ARHGAP21: variants seen among roughly 807,000 people sequenced by gnomAD.
ARHGAP21 encodes Rho GTPase activating protein 21.
A neutral mutation model predicts 164.6 loss-of-function variants in ARHGAP21; 38 were observed. The ratio of observed to expected loss-of-function variants is 0.23; its 90% CI spans 0.18 to 0.30. The LOEUF is 0.30. ARHGAP21 is among the 10% of genes least tolerant of loss of function. The probability of loss-of-function intolerance (pLI) is 1.00; values close to 1 mark genes in which losing one functional copy is unlikely to be tolerated. For missense variants in ARHGAP21, 1,822 were observed against 2,370.7 expected, an observed-to-expected ratio of 0.77 and a Z score of 4.81; for synonymous variants, 766 against 857.9, an observed-to-expected ratio of 0.89 and a Z score of 1.87.
At chr10:24,597,354 G>A in intron 16 of ARHGAP21, 93 bp downstream of exon 16, 4 of 1,476,518 alleles carry the variant, frequency 2.7e-6, no homozygotes, top group Non-Finnish European at 2.7e-6. Flanking sequence ...CATGGGGCCT[G>A]GTCAGTAGAA....
chr10:24,619,814 G>T lies in ARHGAP21; in HGVS notation c.2081C>A (p.Pro694His). Residue 694 changes from proline to histidine, a missense_variant, in exon 9 of 26, where the codon CCT (proline) becomes CAT (histidine). Pro to His is a moderately conservative substitution (Grantham distance 77). Transcript: ENST00000396432. ...AGTACCAGCGTTTTCACTCGACTGAGGGGCAGGCTTGGCAGAGGCTCCAGA... is the reference window on the plus strand; with the variant it reads ...AGTACCAGCGTTTTCACTCGACTGATGGGCAGGCTTGGCAGAGGCTCCAGA... ...SLSGASAKPAPQSSENAGTSD... is the reference protein window; with the variant it reads ...SLSGASAKPAHQSSENAGTSD... 6.2e-7 allele frequency: 1 copy of T among 1,614,162 alleles called. No homozygotes were observed. Among genetic ancestry groups the T allele is most frequent in the Non-Finnish European group, 8.5e-7 (1 of 1,180,030 alleles).
intron 2 of ARHGAP21, 88 bp downstream of exon 2, chr10:24,721,749 G>A: frequency 1.4e-6 from 2 of 1,473,736 alleles, no homozygotes; most frequent in East Asian, 2.4e-5. Flanking sequence ...CCCCTAGTGA[G>A]GCCCCGTGGC....
At chr10:24,604,545 TTCTTAATTGA>T (rs1238373453) in intron 11 of ARHGAP21, among the ~76,000 whole-genome samples, 197 bp from the exon 12 acceptor site, 1 of 152,022 alleles carries the variant, frequency 6.6e-6, no homozygotes, top group African/African-American at 2.4e-5. Context: ...AATTAAAACT[TTCTTAATTGA>T]TCTGGTAAAT....
At chr10:24,671,946 T>C (rs1840747742) in intron 2 of ARHGAP21, among the ~76,000 whole-genome samples, 1 of 144,318 alleles carries the variant, frequency 6.9e-6, no homozygotes, top group African/African-American at 2.6e-5. Flanking sequence ...CTCAGGCTGG[T>C]CTTGAGCTCC....
intron 2 of ARHGAP21, among the ~76,000 whole-genome samples, chr10:24,713,937 C>T (rs1845111044): frequency 6.6e-6 from 1 of 152,136 alleles, no homozygotes; most frequent in Non-Finnish European, 1.5e-5. Context: ...TTAGTGAAAG[C>T]AATCCAAAAT....
chr10:24,596,782 G>T lies in ARHGAP21; in HGVS notation c.3435C>A (p.Phe1145Leu). 6.2e-7 allele frequency: 1 copy of T among 1,612,748 alleles called. No individual in the cohort carries two copies. Among genetic ancestry groups the T allele is most frequent in the Non-Finnish European group, 8.5e-7 (1 of 1,179,650 alleles). ...GTGGGCAGTCATCTAGTCGGACGCC[G>T]AAAGTTCCTGTAGCAGTTGGCTTTT... The part of the protein sequence containing the change: ...FEKKPTATGT[F>L]GVRLDDCPPA... Residue 1145 changes from phenylalanine (F) to leucine (L), a missense_variant, in exon 17 of 26, where the codon TTC (phenylalanine) becomes TTA (leucine). This residue lies in a region of ARHGAP21 where 1,090 missense variants were observed against 1,378.9 expected (regional missense o/e 0.79). Coordinates refer to ENST00000396432, the MANE Select transcript of ARHGAP21 (RefSeq NM_020824.4).
chr10:24,617,850 A>C (rs1178222801), intron 9 of ARHGAP21, among the ~76,000 whole-genome samples: 1 of 121,308 alleles, frequency 8.2e-6, no homozygotes, highest in South Asian at 2.7e-4. Context: ...ATGATGGAGA[A>C]CTCTTTTCAT....
At chr10:24,658,220 GT>G (rs1310771141) in intron 4 of ARHGAP21, among the ~76,000 whole-genome samples, 1 of 152,182 alleles carries the variant, frequency 6.6e-6, no homozygotes, top group Non-Finnish European at 1.5e-5. Flanking sequence ...CTTTTATACT[GT>G]TGGTGGGATT....
chr10:24,699,519 T>C (rs1263855860), intron 2 of ARHGAP21, among the ~76,000 whole-genome samples: 1 of 151,988 alleles, frequency 6.6e-6, no homozygotes, highest in Non-Finnish European at 1.5e-5. Flanking sequence ...GAGATAGGGT[T>C]TCACCATGTT....
intron 16 of ARHGAP21, 114 bp downstream of exon 16, chr10:24,597,333 G>C (rs2076627745): frequency 7.5e-7 from 1 of 1,337,946 alleles, no homozygotes; most frequent in African/African-American, 1.5e-5. Context: ...TATGAATTTT[G>C]AGCTAGTTGA....
intron 4 of ARHGAP21, among the ~76,000 whole-genome samples, chr10:24,656,219 G>A (rs1425211124): frequency 1.5e-5 from 2 of 136,672 alleles, no homozygotes; most frequent in Non-Finnish European, 3.1e-5. Flanking sequence ...AGGTGGGGGG[G>A]TCATCCCCCC....
chr10:24,671,531 CT>C lies in ARHGAP21; in HGVS notation c.64-1135del, dbSNP rs1229197168. On this transcript the variant is annotated intron_variant, in intron 2 of 25. Coordinates refer to ENST00000396432, the MANE Select transcript of ARHGAP21 (RefSeq NM_020824.4). The stretch of plus-strand genomic sequence containing the variant: ...TGCCCATGTTCCCCTGCCTTCCCTT[CT>C]GCTATGATGGATAAGCCATCCATTC... Among the ~76,000 whole-genome samples the C allele has an allele frequency of 2.0e-5, 3 of 152,108 alleles. No individual in the cohort carries two copies. In the South Asian group the frequency reaches 6.2e-4, roughly 32 times the overall value.
chr10:24,624,993 C>T (rs57133066), intron 7 of ARHGAP21, among the ~76,000 whole-genome samples: 2,638 of 128,212 alleles, frequency 0.021, 87 homozygotes, highest in African/African-American at 0.075. Flanking sequence ...ATTTTAAAAA[C>T]TGAAGCCTTC....
chr10:24,656,933 G>A (rs1839059343), intron 4 of ARHGAP21, among the ~76,000 whole-genome samples: 1 of 128,132 alleles, frequency 7.8e-6, no homozygotes, highest in African/African-American at 2.9e-5. Flanking sequence ...CGTCCGGGAG[G>A]GAGGTGGGGG....
At chr10:24,697,583 A>C (rs1039930113) in intron 2 of ARHGAP21, among the ~76,000 whole-genome samples, 2 of 152,112 alleles carry the variant, frequency 1.3e-5, no homozygotes, top group Non-Finnish European at 2.9e-5. Context: ...CTGGCCAGGC[A>C]CGGTGGTTCA....
intron 11 of ARHGAP21, 139 bp from the exon 12 acceptor site, chr10:24,604,487 CAATGG>C (rs2076944729): frequency 4.1e-6 from 2 of 490,574 alleles, no homozygotes; most frequent in South Asian, 1.5e-4. Flanking sequence ...GTCCACTATT[CAATGG>C]AAGAGAAAAA....
rs1834395148 is a variant in ARHGAP21 at position 24,620,131 on chromosome 10, T to A, written c.1764A>T (p.Pro588=). 6.2e-7 allele frequency: 1 copy of A among 1,613,908 alleles called. No homozygotes were observed. Among genetic ancestry groups the A allele is most frequent in the African/African-American group, 1.3e-5 (1 of 74,938 alleles). ...GSVSQFKKIP[P]DLKTLQSNRN... ...TGTTTGACTGCAATGTTTTTAGATC[T>A]GGTGGAATTTTTTTAAACTGCGACA... The change falls in exon 9 of 26, where the codon CCA becomes CCT. Residue 588 remains proline, a synonymous_variant. Coordinates refer to ENST00000396432, the MANE Select transcript of ARHGAP21 (RefSeq NM_020824.4).
At chr10:24,610,436 A>G (rs1470658624) in intron 9 of ARHGAP21, among the ~76,000 whole-genome samples, 1 of 152,052 alleles carries the variant, frequency 6.6e-6, no homozygotes, top group Admixed American at 6.6e-5. Flanking sequence ...TCTTTATAAT[A>G]AAAAGAACGG....
chr10:24,612,595 C>T (rs1191915158), intron 9 of ARHGAP21, among the ~76,000 whole-genome samples: 1 of 152,198 alleles, frequency 6.6e-6, no homozygotes, highest in Admixed American at 6.5e-5. Flanking sequence ...TGGCTCACGC[C>T]TGTAATCCCA....
Sources: gnomAD v4.1 joint callset for allele counts (sites outside exome capture counted in the v4.1 genomes callset) on GRCh38, gnomAD v4.1.1 for gene constraint, gnomAD v4.1.1 regional missense constraint, MANE v1.5 for transcripts, NCBI Gene and HGNC (gene_info 2026-07-23, HGNC 2026-07-21) for gene names.